Variants in DNAAF8 observed in about 807,000 individuals in gnomAD.
The protein encoded by DNAAF8 is dynein axonemal assembly factor 8, also known as dynein axonemal-associated protein 1.
DNAAF8 carries 61 observed loss-of-function variants against 54.6 expected under a neutral mutation model. The observed-to-expected ratio is 1.12, with a 90% CI of 0.91 to 1.38. The LOEUF is 1.38. DNAAF8 is among the 40% of genes most tolerant of loss of function. The pLI is 0.00. For missense variants in DNAAF8, 837 were observed against 665.0 expected, an observed-to-expected ratio of 1.26 and a Z score of -2.85; for synonymous variants, 320 against 270.1, an observed-to-expected ratio of 1.18 and a Z score of -1.81.
rs748519391 is a variant in DNAAF8, at chr16:4,746,377, G to A, written c.1046G>A (p.Cys349Tyr). ...DTKEADSGSRCASRKQGSQAG... is the reference protein window; with the variant it reads ...DTKEADSGSRYASRKQGSQAG... Reference sequence around the variant, plus strand: ...AACACCTGCTTTTCTCATTTCAGATGTGCCTCAAGGAAGCAGGGCTCCCAG... The same window carrying A: ...AACACCTGCTTTTCTCATTTCAGATATGCCTCAAGGAAGCAGGGCTCCCAG... The change falls in exon 7 of 10, where the codon TGT (cysteine) becomes TAT (tyrosine). Residue 349 changes from cysteine (C) to tyrosine (Y), a missense_variant and splice_region_variant. Physicochemically the swap from Cys to Tyr is radical, Grantham distance 194. Coordinates refer to ENST00000299320, the MANE Select transcript of DNAAF8 (RefSeq NM_139170.3). 60 of 1,610,654 alleles carry A rather than the reference G, an allele frequency of 3.7e-5. 2 individuals carry two copies. In the South Asian group the frequency reaches 6.2e-4, roughly 17 times the overall value.
chr16:4,747,035 C>T lies in DNAAF8; in HGVS notation c.1280+10C>T. The T allele has an allele frequency of 3.9e-6, 6 of 1,522,516 alleles. No individual in the cohort carries two copies. The highest frequency in any genetic ancestry group is 5.3e-6 in the Non-Finnish European group (6 of 1,140,720). The allele number at this position is 1,522,516 out of a possible 1,614,324, so 94.3% of individuals were successfully genotyped here. A position where few individuals can be genotyped will look rare whatever the true frequency, so the allele number is the denominator to read the frequency against. ...CCTCCCTGGGGCTACGGTAACCACC[C>T]AGGGGCCTCTCGCCACCTGCAGATG... On this transcript the variant is annotated intron_variant, in intron 8 of 9. Transcript: ENST00000299320.
At chr16:4,740,117 G>T in intron 3 of DNAAF8, 36 bp from the exon 4 acceptor site, 4 of 1,512,714 alleles carry the variant, frequency 2.6e-6, no homozygotes, top group South Asian at 1.3e-5. Flanking sequence ...GCATGTTTTT[G>T]AGGATGCTAA....
In DNAAF8 at chr16:4,740,561, G is replaced by C; in HGVS notation, c.685G>C (p.Gly229Arg). 1 of 1,613,930 alleles carries C rather than the reference G, an allele frequency of 6.2e-7. No homozygotes were observed. The highest frequency in any genetic ancestry group is 8.5e-7 in the Non-Finnish European group (1 of 1,180,020). ...ACGPTSSDKG[G>R]VKEAPCHAAE... is the part of the protein sequence containing the mutation. ...CGGCCCGACCAGCAGTGACAAAGGTGGGGTGAAGGAGGCGCCCTGCCACGC... is the reference window on the plus strand; with the variant it reads ...CGGCCCGACCAGCAGTGACAAAGGTCGGGTGAAGGAGGCGCCCTGCCACGC... Residue 229 changes from glycine (G) to arginine (R), a missense_variant, in exon 4 of 10, where the codon GGG becomes CGG. By Grantham distance (125) the Gly-to-Arg change is moderately radical. Transcript: ENST00000299320.
Position 4,749,311 on chromosome 16 carries a change from C to A in DNAAF8, c.*596C>A, listed in dbSNP as rs564709784. On this transcript the variant is annotated 3_prime_UTR_variant, in exon 10 of 10. Coordinates refer to ENST00000299320, the MANE Select transcript of DNAAF8 (RefSeq NM_139170.3). ...CTTTTTTTTTCTTCAACCCCATTTT[C>A]TTCCATTTCTCCCACCTTTTTAATG... 2.6e-5 allele frequency: 4 copies of A among 154,464 alleles called. No individual in the cohort carries two copies. The highest frequency in any genetic ancestry group is 5.9e-5 in the Non-Finnish European group (4 of 68,230). The allele number at this position is 154,464 out of a possible 1,614,324, so 9.6% of individuals were successfully genotyped here.
intron 3 of DNAAF8, among the ~76,000 whole-genome samples, chr16:4,739,652 G>A (rs1181968971): frequency 2.7e-5 from 4 of 150,764 alleles, no homozygotes; most frequent in East Asian, 2.0e-4. Context: ...GGGCTGAAGC[G>A]ATCCTCCCAC....
intron 4 of DNAAF8, among the ~76,000 whole-genome samples, chr16:4,741,875 C>A (rs1017550500): frequency 6.6e-6 from 1 of 152,172 alleles, no homozygotes; most frequent in Non-Finnish European, 1.5e-5. Context: ...GAGGAGTTAT[C>A]TTGTCTACTG....
In DNAAF8 at chr16:4,744,992, G is replaced by C. The variant is rs754015399; in HGVS notation, c.1024G>C (p.Glu342Gln). 6 of 1,613,558 alleles carry C rather than the reference G, an allele frequency of 3.7e-6. No individual in the cohort carries two copies. The Admixed American group carries it at 8.3e-5, about 22-fold the overall frequency. Residue 342 changes from glutamate (E) to glutamine (Q), a missense_variant, in exon 6 of 10, where the codon GAG becomes CAG. Glu to Gln is a conservative substitution (Grantham distance 29, BLOSUM62 2). Coordinates refer to ENST00000299320, the MANE Select transcript of DNAAF8 (RefSeq NM_139170.3). Reference sequence around the variant, plus strand: ...TGCCGACACTCCCCAGGACACCAAAGAGGCAGATTCAGGAAGCAGGTGGGA... The same window carrying C: ...TGCCGACACTCCCCAGGACACCAAACAGGCAGATTCAGGAAGCAGGTGGGA... Reference protein sequence around the residue: ...VPADTPQDTKEADSGSRCASR... With the variant: ...VPADTPQDTKQADSGSRCASR...
At chr16:4,737,062 T>C (rs1042048754) in intron 2 of DNAAF8, among the ~76,000 whole-genome samples, 3 of 152,108 alleles carry the variant, frequency 2.0e-5, no homozygotes, top group African/African-American at 7.2e-5. Flanking sequence ...CGAGGGATTC[T>C]GCATTTGTGG....
intron 9 of DNAAF8, chr16:4,748,290 A>G (rs919474176): frequency 1.3e-5 from 2 of 148,530 alleles, no homozygotes; most frequent in Non-Finnish European, 3.0e-5. Context: ...ACTCCTCTCA[A>G]TCCTCCTGCC....
At chr16:4,740,122 T>C (rs746889459) in intron 3 of DNAAF8, 31 bp from the exon 4 acceptor site, 1 of 1,539,638 alleles carries the variant, frequency 6.5e-7, no homozygotes, top group Admixed American at 2.1e-5. Context: ...TTTTTGAGGA[T>C]GCTAACTGAA....
At chr16:4,745,364 T>A (rs1347123153) in intron 6 of DNAAF8, among the ~76,000 whole-genome samples, 1 of 152,198 alleles carries the variant, frequency 6.6e-6, no homozygotes, top group South Asian at 2.1e-4. Flanking sequence ...AGCTGATTGG[T>A]CCAGCTCTGG....
In DNAAF8 at chr16:4,749,254, C is replaced by T. The variant is rs967291784; in HGVS notation, c.*539C>T. The T allele has an allele frequency of 4.5e-5, 7 of 154,478 alleles. No homozygotes were observed. In the East Asian group the frequency reaches 5.8e-4, roughly 13 times the overall value. 9.6% of individuals were successfully genotyped at this position (154,478 alleles called of 1,614,324 possible). On this transcript the variant is annotated 3_prime_UTR_variant, in exon 10 of 10. Transcript: ENST00000299320. ...GCTGCCCTCGCAGCCTGGCGGCCTC[C>T]GCTGTGGCTGCCTAGCTGTCAAGAG...
At position 4,747,394 on chromosome 16, in the gene DNAAF8, G is replaced by C. The variant is rs1346062069; in HGVS notation, c.1332G>C (p.Lys444Asn). 1.2e-6 allele frequency: 2 copies of C among 1,610,450 alleles called. No individual in the cohort carries two copies. Among genetic ancestry groups the C allele is most frequent in the Non-Finnish European group, 8.5e-7 (1 of 1,178,308 alleles). The change falls in exon 9 of 10, where the codon AAG becomes AAC. Residue 444 changes from lysine to asparagine, a missense_variant. Coordinates refer to ENST00000299320, the MANE Select transcript of DNAAF8 (RefSeq NM_139170.3). ...QLLQQLRAFQ[K>N]GTAQPELPAS... is the part of the protein sequence containing the mutation. ...TCCAGCAGCTCAGGGCCTTTCAGAA[G>C]GGGACAGCCCAGCCCGAGCTGCCTG...
At position 4,736,579 on chromosome 16, in the gene DNAAF8, C is replaced by T. The variant is rs773575240; in HGVS notation, c.65C>T (p.Pro22Leu). ...LGSPWASQMG[P>L]WDAILKAVKD... ...TCTCCCTGGGCCTCCCAGATGGGGC[C>T]CTGGGATGCCATCCTCAAGGCTGTC... The change falls in exon 2 of 10, where the codon CCC becomes CTC. Residue 22 changes from proline to leucine, a missense_variant. Coordinates refer to ENST00000299320, the MANE Select transcript of DNAAF8 (RefSeq NM_139170.3). 2 of 1,591,020 alleles carry T rather than the reference C, an allele frequency of 1.3e-6. No homozygotes were observed. Among genetic ancestry groups the T allele is most frequent in the African/African-American group, 1.3e-5 (1 of 74,574 alleles).
At chr16:4,746,650 C>A in intron 7 of DNAAF8, 138 bp downstream of exon 7, 1 of 1,223,990 alleles carries the variant, frequency 8.2e-7, no homozygotes, top group Non-Finnish European at 1.1e-6. Flanking sequence ...TTGAAAAGTG[C>A]TGGCCTACAG....
Position 4,747,466 on chromosome 16 carries a change from A to C in DNAAF8, c.1404A>C (p.Thr468=). 8 of 1,613,272 alleles carry C rather than the reference A, an allele frequency of 5.0e-6. No individual in the cohort carries two copies. Among genetic ancestry groups the C allele is most frequent in the Non-Finnish European group, 6.8e-6 (8 of 1,180,000 alleles). The part of the protein sequence containing the change: ...AGGRAQAPED[T]AGSRTGRKQH... ...GGAGGGCTCAGGCCCCTGAAGACAC[A>C]GCTGGATCACGAACTGGGAGGAAGC... The change falls in exon 9 of 10, where the codon ACA becomes ACC. Residue 468 remains threonine, a synonymous_variant. Transcript: ENST00000299320.
rs781214626 is a variant in DNAAF8, at chr16:4,746,461, T to C, written c.1130T>C (p.Ile377Thr). The part of the protein sequence containing the change: ...GMRLNAESPT[I>T]FIDLRQMELP... ...AGGCTTAACGCAGAGTCCCCCACCA[T>C]CTTTATTGACCTGCGGCAGATGGAG... The change falls in exon 7 of 10, where the codon ATC becomes ACC. Residue 377 changes from isoleucine (I) to threonine (T), a missense_variant. Physicochemically the swap from Ile to Thr is moderately conservative, Grantham distance 89. Coordinates refer to ENST00000299320, the MANE Select transcript of DNAAF8 (RefSeq NM_139170.3). 1.2e-6 allele frequency: 2 copies of C among 1,613,798 alleles called. No homozygotes were observed. The highest frequency in any genetic ancestry group is 3.3e-5 in the Admixed American group (2 of 60,006).
intron 2 of DNAAF8, among the ~76,000 whole-genome samples, chr16:4,737,103 G>A (rs893355335): frequency 1.3e-5 from 2 of 152,124 alleles, no homozygotes; most frequent in African/African-American, 4.8e-5. Flanking sequence ...TCTCAAAGAC[G>A]CTCAGACCAA....
At position 4,739,265 on chromosome 16, in the gene DNAAF8, G is replaced by GTTT. The variant is rs35113323; in HGVS notation, c.277-869_277-867dup. Among the ~76,000 whole-genome samples, 224 of 69,036 alleles carry GTTT rather than the reference G, an allele frequency of 3.2e-3. 22 individuals carry two copies. Among genetic ancestry groups the GTTT allele is most frequent in the African/African-American group, 4.8e-3 (88 of 18,472 alleles). 45.3% of individuals were successfully genotyped at this position (69,036 alleles called of 152,430 possible). On this transcript the variant is annotated intron_variant, in intron 3 of 9. Transcript: ENST00000299320. ...AAACTCTTCTGGATGATTTTTTCTT[G>GTTT]TTTTTTTTTTTTTTTTTTTTTGTAA...
Sources: gnomAD v4.1 joint callset for allele counts (sites outside exome capture counted in the v4.1 genomes callset) on GRCh38, gnomAD v4.1.1 for gene constraint, MANE v1.5 for transcripts, NCBI Gene and HGNC (gene_info 2026-07-23, HGNC 2026-07-21) for gene names.